Variants in ZNF169 observed in about 807,000 individuals in gnomAD.
The protein encoded by ZNF169 is zinc finger protein 169.
In ZNF169, 11 loss-of-function variants were observed where a neutral mutation model predicts 12.0. The observed-to-expected ratio is 0.92, with a 90% CI of 0.58 to 1.52. The LOEUF is 1.52. Among genes scored for constraint, ZNF169 ranks in the 40% most tolerant of loss-of-function variants. The probability of loss-of-function intolerance (pLI) is 0.00; values close to 1 mark genes in which losing one functional copy is unlikely to be tolerated. For missense variants in ZNF169, 722 were observed against 744.0 expected, an observed-to-expected ratio of 0.97 and a Z score of 0.34; for synonymous variants, 302 against 286.5, an observed-to-expected ratio of 1.05 and a Z score of -0.55.
intron 1 of ZNF169, among the ~76,000 whole-genome samples, chr9:94,270,685 T>A (rs1252953546): frequency 1.5e-5 from 1 of 65,854 alleles, no homozygotes; most frequent in African/African-American, 4.5e-5. Context: ...TAAATATATA[T>A]AAATATATAA....
At chr9:94,284,295 C>T (rs1185079850) in intron 2 of ZNF169, among the ~76,000 whole-genome samples, 3 of 150,490 alleles carry the variant, frequency 2.0e-5, no homozygotes, top group African/African-American at 4.9e-5. Context: ...CGTGGTGGCA[C>T]GTGCCTGTAA....
At chr9:94,266,223 C>A (rs565547720) in intron 1 of ZNF169, among the ~76,000 whole-genome samples, 3 of 152,162 alleles carry the variant, frequency 2.0e-5, no homozygotes, top group Admixed American at 2.0e-4. Flanking sequence ...TTTAACTTAA[C>A]CACTCAGTCA....
intron 2 of ZNF169, 107 bp downstream of exon 2, chr9:94,278,952 G>A: frequency 9.1e-7 from 1 of 1,103,640 alleles, no homozygotes; most frequent in South Asian, 1.4e-5. Context: ...TGATCTTGTA[G>A]GCGTGACTCA....
intron 1 of ZNF169, among the ~76,000 whole-genome samples, chr9:94,264,722 G>T (rs749945170): frequency 1.3e-5 from 2 of 152,124 alleles, no homozygotes; most frequent in African/African-American, 2.4e-5. Context: ...AATGTATATT[G>T]TTGTGTAACT....
chr9:94,293,035 AGAG>A lies in ZNF169; in HGVS notation c.226_228del (p.Glu76del), dbSNP rs1282314235. ...TGGAGCAAGGCGACGAACCTTGGAGAGAGGAGAACGAACATCTTCTGGACCTTT... is the reference window on the plus strand; with the variant it reads ...TGGAGCAAGGCGACGAACCTTGGAGAGAGAACGAACATCTTCTGGACCTTT... On this transcript the variant is annotated inframe_deletion, in exon 4 of 5. Transcript: ENST00000395395. The A allele has an allele frequency of 1.9e-6, 3 of 1,613,442 alleles. No individual in the cohort carries two copies. The highest frequency in any genetic ancestry group is 1.1e-5 in the South Asian group (1 of 90,922).
chr9:94,289,194 T>C (rs539801226), intron 2 of ZNF169, among the ~76,000 whole-genome samples: 51 of 150,324 alleles, frequency 3.4e-4, no homozygotes, highest in Non-Finnish European at 6.4e-4. Flanking sequence ...AGCTCAGGAG[T>C]TTGAAACCAG....
chr9:94,291,637 A>C (rs1830840777), intron 2 of ZNF169, among the ~76,000 whole-genome samples: 2 of 152,068 alleles, frequency 1.3e-5, no homozygotes, highest in Non-Finnish European at 2.9e-5. Context: ...GTATAGAAGA[A>C]AAAACAGACA....
chr9:94,282,063 G>A (rs1830649379), intron 2 of ZNF169, among the ~76,000 whole-genome samples: 1 of 152,138 alleles, frequency 6.6e-6, no homozygotes, highest in South Asian at 2.1e-4. Flanking sequence ...ACTTTGCAGA[G>A]CAATTTTAAG....
intron 1 of ZNF169, among the ~76,000 whole-genome samples, chr9:94,262,519 T>C (rs1164801124): frequency 6.6e-6 from 1 of 152,036 alleles, no homozygotes; most frequent in African/African-American, 2.4e-5. Flanking sequence ...AGTGCAGTGG[T>C]GCGATCTCGG....
chr9:94,268,705 T>G (rs1830334091), intron 1 of ZNF169, among the ~76,000 whole-genome samples: 1 of 148,808 alleles, frequency 6.7e-6, no homozygotes, highest in African/African-American at 2.5e-5. Flanking sequence ...GAGAATTGCT[T>G]GAACCGGGAG....
intron 1 of ZNF169, among the ~76,000 whole-genome samples, chr9:94,278,405 A>G (rs1830562084): frequency 6.6e-6 from 1 of 152,094 alleles, no homozygotes; most frequent in African/African-American, 2.4e-5. Context: ...GTAAATATGG[A>G]TGGGATGCTT....
chr9:94,278,160 C>T (rs1356316306), intron 1 of ZNF169, among the ~76,000 whole-genome samples: 1 of 152,184 alleles, frequency 6.6e-6, no homozygotes, highest in African/African-American at 2.4e-5. Flanking sequence ...TCTTAAAAAT[C>T]TCTTTATGAA....
chr9:94,296,480 T>A (rs1293582193), intron 4 of ZNF169, among the ~76,000 whole-genome samples: 1 of 152,200 alleles, frequency 6.6e-6, no homozygotes, highest in East Asian at 1.9e-4. Context: ...TTTAGTAATT[T>A]TACAATTTTT....
rs1564083267 is a variant in ZNF169, at chr9:94,270,704, A to ATTATATAATATATAATATATAATATAT, written c.-55-8036_-55-8035insATAATATATTTATATAATATATAATAT. Among the ~76,000 whole-genome samples, 130 of 72,660 alleles carry ATTATATAATATATAATATATAATATAT rather than the reference A, an allele frequency of 1.8e-3. 18 individuals are homozygous for ATTATATAATATATAATATATAATATAT. The East Asian group carries it at 0.051, about 29-fold the overall frequency. 47.7% of individuals were successfully genotyped at this position (72,660 alleles called of 152,430 possible). The stretch of plus-strand genomic sequence containing the variant: ...TATATATAAATATATAATTTATATA[A>ATTATATAATATATAATATATAATATAT]TTATATAATATATAATATTATATAT... On this transcript the variant is annotated intron_variant, in intron 1 of 4. Coordinates refer to ENST00000395395, the MANE Select transcript of ZNF169 (RefSeq NM_194320.4).
Position 94,299,895 on chromosome 9 carries a change from A to T in ZNF169, c.337A>T (p.Ser113Cys). ...GCAGCTCCTCAGACAATATGCGCTA[A>T]GTGGCCATCCCACACAGATCTTCCC... ...SSQLLRQYAL[S>C]GHPTQIFPSS... is the part of the protein sequence containing the mutation. Residue 113 changes from serine to cysteine, a missense_variant, in exon 5 of 5, where the codon AGT becomes TGT. Transcript: ENST00000395395. 6.2e-7 allele frequency: 1 copy of T among 1,614,146 alleles called. No individual in the cohort carries two copies.
intron 4 of ZNF169, chr9:94,294,653 G>A (rs1300303769): frequency 6.6e-6 from 1 of 152,168 alleles, no homozygotes; most frequent in African/African-American, 2.4e-5. Context: ...AGCTGGAAGT[G>A]AAATCTCAGA....
chr9:94,300,412 C>CG lies in ZNF169; in HGVS notation c.859dup (p.Glu287GlyfsTer21), dbSNP rs762068533. 5.6e-6 allele frequency: 9 copies of CG among 1,613,428 alleles called. No individual in the cohort carries two copies. The highest frequency in any genetic ancestry group is 2.7e-5 in the African/African-American group (2 of 74,736). On this transcript the variant is annotated frameshift_variant, in exon 5 of 5. Coordinates refer to ENST00000395395, the MANE Select transcript of ZNF169 (RefSeq NM_194320.4). LOFTEE classifies it low-confidence loss of function (END_TRUNC). ...CTCTCCATACACCAGAGGAAGCACTCGGGGGAGAAGCCGTATGTGTGCAGG... is the reference window on the plus strand; with the variant it reads ...CTCTCCATACACCAGAGGAAGCACTCGGGGGGAGAAGCCGTATGTGTGCAGG...
intron 1 of ZNF169, among the ~76,000 whole-genome samples, chr9:94,264,971 T>G (rs1830264968): frequency 6.6e-6 from 1 of 151,950 alleles, no homozygotes; most frequent in Admixed American, 6.6e-5. Flanking sequence ...ACAATTCTTT[T>G]TTTTCCAGGG....
At chr9:94,298,225 G>A (rs1830988422) in intron 4 of ZNF169, among the ~76,000 whole-genome samples, 1 of 151,504 alleles carries the variant, frequency 6.6e-6, no homozygotes, top group African/African-American at 2.4e-5. Context: ...TAAAAAGCAG[G>A]AGTCTTTAAA....
Sources: gnomAD v4.1 joint callset for allele counts (sites outside exome capture counted in the v4.1 genomes callset) on GRCh38, gnomAD v4.1.1 for gene constraint, MANE v1.5 for transcripts, NCBI Gene and HGNC (gene_info 2026-07-23, HGNC 2026-07-21) for gene names.